The following CNTNAP2 variants were observed in gnomAD, a reference collection of about 807,000 sequenced individuals.
CNTNAP2 encodes contactin associated protein 2, also known as contactin-associated protein-like 2.
Under a neutral mutation model 155.2 loss-of-function variants are expected in CNTNAP2, and 98 were observed. The ratio of observed to expected loss-of-function variants is 0.63; its 90% CI spans 0.54 to 0.75. The LOEUF (loss-of-function observed/expected upper bound fraction) is 0.75. Among genes scored for constraint, CNTNAP2 ranks in the 30% least tolerant of loss-of-function variants. The probability of loss-of-function intolerance (pLI) is 0.00; values close to 1 mark genes in which losing one functional copy is unlikely to be tolerated. For missense variants in CNTNAP2, 1,727 were observed against 1,688.1 expected (o/e 1.02, Z -0.40); for synonymous variants, 651 against 631.2 (o/e 1.03, Z -0.47).
At chr7:146,292,711 ATGT>A (rs1314191112) in intron 1 of CNTNAP2, among the ~76,000 whole-genome samples, 6 of 152,222 alleles carry the variant, frequency 3.9e-5, no homozygotes, top group Non-Finnish European at 8.8e-5. Context: ...TACAAAAGAA[ATGT>A]TGTCATTTGT....
chr7:148,341,188 G>T (rs908283439), intron 21 of CNTNAP2, among the ~76,000 whole-genome samples: 5 of 152,132 alleles, frequency 3.3e-5, no homozygotes, highest in African/African-American at 1.2e-4. Flanking sequence ...TACTGTAATG[G>T]TACTGTGCCT....
At chr7:146,166,730 T>C (rs571077524) in intron 1 of CNTNAP2, among the ~76,000 whole-genome samples, 22 of 152,310 alleles carry the variant, frequency 1.4e-4, no homozygotes, top group African/African-American at 5.3e-4. Context: ...GTTAACTCTG[T>C]TTACCTTAAA....
At chr7:147,027,988 A>C (rs748212822) in intron 3 of CNTNAP2, among the ~76,000 whole-genome samples, 6 of 152,244 alleles carry the variant, frequency 3.9e-5, no homozygotes, top group Non-Finnish European at 8.8e-5. Flanking sequence ...TTGGAAATTC[A>C]GGCCTAGATC....
At chr7:147,840,974 G>A (rs527949081) in intron 13 of CNTNAP2, among the ~76,000 whole-genome samples, 2 of 152,236 alleles carry the variant, frequency 1.3e-5, no homozygotes, top group South Asian at 2.1e-4. Flanking sequence ...ACCTCATGAT[G>A]TAATAAATAA....
chr7:148,102,382 C>T (rs1266218444), intron 15 of CNTNAP2, among the ~76,000 whole-genome samples: 4 of 152,170 alleles, frequency 2.6e-5, no homozygotes, highest in Admixed American at 2.6e-4. Flanking sequence ...TACTGATGGA[C>T]ATTTAGGTTG....
chr7:148,115,500 G>A (rs1022118168), intron 15 of CNTNAP2, among the ~76,000 whole-genome samples: 2 of 152,258 alleles, frequency 1.3e-5, no homozygotes, highest in East Asian at 1.9e-4. Flanking sequence ...GCAGGCTCTC[G>A]GGTCCTTAAA....
At chr7:147,876,510 C>A (rs750145246) in intron 13 of CNTNAP2, among the ~76,000 whole-genome samples, 2 of 152,140 alleles carry the variant, frequency 1.3e-5, no homozygotes, top group Admixed American at 1.3e-4. Flanking sequence ...AAAGGACCAA[C>A]CCCTCTTCAA....
intron 21 of CNTNAP2, among the ~76,000 whole-genome samples, chr7:148,271,230 A>G (rs1336411863): frequency 2.6e-5 from 4 of 152,222 alleles, no homozygotes; most frequent in Non-Finnish European, 5.9e-5. Context: ...ATAAGGAGCT[A>G]AGGCTCAAAA....
chr7:147,855,052 ATC>A (rs1376569695), intron 13 of CNTNAP2, among the ~76,000 whole-genome samples: 1 of 152,172 alleles, frequency 6.6e-6, no homozygotes, highest in Non-Finnish European at 1.5e-5. Context: ...TTAAAAATTC[ATC>A]TGTTTCTTTT....
At chr7:146,161,675 A>G (rs1220655234) in intron 1 of CNTNAP2, among the ~76,000 whole-genome samples, 1 of 152,200 alleles carries the variant, frequency 6.6e-6, no homozygotes, top group Non-Finnish European at 1.5e-5. Flanking sequence ...TAAAGTTCAT[A>G]TGGAACCAAA....
chr7:147,983,799 G>C (rs752368654), intron 15 of CNTNAP2, among the ~76,000 whole-genome samples: 16 of 152,202 alleles, frequency 1.1e-4, no homozygotes, highest in Non-Finnish European at 2.2e-4. Context: ...TGGAGGTCAA[G>C]GTACTTATTA....
At chr7:147,853,706 T>C (rs1798989452) in intron 13 of CNTNAP2, among the ~76,000 whole-genome samples, 1 of 152,222 alleles carries the variant, frequency 6.6e-6, no homozygotes, top group African/African-American at 2.4e-5. Flanking sequence ...ACAGGCTATA[T>C]TAGCTGTTGG....
intron 1 of CNTNAP2, among the ~76,000 whole-genome samples, chr7:146,520,495 A>G (rs1468112850): frequency 6.6e-6 from 1 of 151,640 alleles, no homozygotes; most frequent in African/African-American, 2.4e-5. Flanking sequence ...GTGGTTGGTG[A>G]AACTGTTCTG....
intron 3 of CNTNAP2, among the ~76,000 whole-genome samples, chr7:146,969,648 T>C (rs1446036679): frequency 6.6e-6 from 1 of 150,474 alleles, no homozygotes; most frequent in Non-Finnish European, 1.5e-5. Context: ...GCCTTTTTTT[T>C]GGTTTCCATT....
chr7:146,817,195 G>A (rs1395016212), intron 2 of CNTNAP2, among the ~76,000 whole-genome samples: 1 of 152,138 alleles, frequency 6.6e-6, no homozygotes, highest in Non-Finnish European at 1.5e-5. Flanking sequence ...ACCTGGGCCA[G>A]GTGCGGTGAC....
At chr7:146,959,455 C>T (rs1448605369) in intron 3 of CNTNAP2, among the ~76,000 whole-genome samples, 1 of 151,724 alleles carries the variant, frequency 6.6e-6, no homozygotes, top group Non-Finnish European at 1.5e-5. Flanking sequence ...CATGGTGGCT[C>T]ACATCTGTAA....
chr7:146,234,637 G>A (rs1014163570), intron 1 of CNTNAP2, among the ~76,000 whole-genome samples: 2 of 151,708 alleles, frequency 1.3e-5, no homozygotes, highest in Non-Finnish European at 2.9e-5. Flanking sequence ...ATTAATTTTT[G>A]TATAAGGTGT....
rs139985119 is a variant in CNTNAP2, at chr7:148,091,185, G to A, written c.2384-26933G>A. ...TGACTACAGCTAATGACAACATATT[G>A]TGTATATGAAAATTGCTATGAGAGT... On this transcript the variant is annotated intron_variant, in intron 15 of 23. Transcript: ENST00000361727. 1.9e-3 allele frequency among the ~76,000 whole-genome samples: 290 copies of A among 152,146 alleles called. 1 individual carries two copies. The highest frequency in any genetic ancestry group is 6.2e-3 in the African/African-American group (256 of 41,530).
At chr7:147,721,634 A>G (rs1796569391) in intron 13 of CNTNAP2, among the ~76,000 whole-genome samples, 1 of 152,078 alleles carries the variant, frequency 6.6e-6, no homozygotes, top group South Asian at 2.1e-4. Flanking sequence ...TTCCCTTTAC[A>G]TATTTCTGTC....
Sources: gnomAD v4.1 joint callset for allele counts (sites outside exome capture counted in the v4.1 genomes callset) on GRCh38, gnomAD v4.1.1 for gene constraint, MANE v1.5 for transcripts, NCBI Gene and HGNC (gene_info 2026-07-23, HGNC 2026-07-21) for gene names.